Variants in GLI3 observed in about 807,000 individuals in gnomAD.
GLI3 encodes the protein GLI family zinc finger 3, also known as transcription activator GLI3.
GLI3 carries 20 observed loss-of-function variants against 100.8 expected under a neutral mutation model. The observed-to-expected ratio is 0.20, with a 90% CI of 0.14 to 0.29. GLI3 has a LOEUF of 0.29. GLI3 is among the 10% of genes least tolerant of loss of function. GLI3 has a pLI of 1.00. For missense variants in GLI3, 2,040 were observed against 2,128.5 expected (o/e 0.96, Z 0.82); for synonymous variants, 938 against 860.5 (o/e 1.09, Z -1.58).
At chr7:42,035,524 A>C (rs1257839731) in intron 7 of GLI3, among the ~76,000 whole-genome samples, 4 of 152,384 alleles carry the variant, frequency 2.6e-5, no homozygotes, top group Non-Finnish European at 5.9e-5. Context: ...TGTCATTTTC[A>C]CTGAGATCTC....
chr7:42,212,478 C>T lies in GLI3; in HGVS notation c.124+10652G>A, dbSNP rs12055889. On this transcript the variant is annotated intron_variant, in intron 2 of 14. Coordinates refer to ENST00000395925, the MANE Select transcript of GLI3 (RefSeq NM_000168.6). ...TTAACCCAATTTATAAAGAAGACTC[C>T]ATTTCTTTGCAATATATTTAAAAGG... Among the ~76,000 whole-genome samples, 19 of 152,234 alleles carry T rather than the reference C, an allele frequency of 1.2e-4. No individual in the cohort carries two copies. In the East Asian group the frequency reaches 3.7e-3, roughly 29 times the overall value.
chr7:42,149,491 A>T (rs1786804255), intron 2 of GLI3, among the ~76,000 whole-genome samples: 1 of 152,206 alleles, frequency 6.6e-6, no homozygotes, highest in Non-Finnish European at 1.5e-5. Context: ...AACCCACAAC[A>T]AGTGGACCAA....
upstream of GLI3, among the ~76,000 whole-genome samples, chr7:42,240,215 C>A (rs13238696): frequency 6.6e-6 from 1 of 152,208 alleles, no homozygotes; most frequent in Non-Finnish European, 1.5e-5. Flanking sequence ...TGCCATCTCT[C>A]ATCAGTTCTC....
In GLI3 at chr7:41,965,461, G is replaced by A; in HGVS notation, c.3612C>T (p.Pro1204=). ...AGCCCCCAGCAGGCCCGCTCCTCAA[G>A]GGGTTCTGCGGGTGGACGACCATGC... ...CNGMVVHPQN[P]LRSGPAGGYQ... Residue 1204 remains proline (P), a synonymous_variant, in exon 15 of 15, where the codon CCC becomes CCT. Transcript: ENST00000395925. 1 of 1,608,732 alleles carries A rather than the reference G, an allele frequency of 6.2e-7. No individual in the cohort carries two copies. Among genetic ancestry groups the A allele is most frequent in the Non-Finnish European group, 8.5e-7 (1 of 1,177,366 alleles).
chr7:42,172,390 G>A (rs1349002422), intron 2 of GLI3: 2 of 611,736 alleles, frequency 3.3e-6, no homozygotes, highest in Non-Finnish European at 5.9e-6. Flanking sequence ...TGTGGTAGAG[G>A]AGAATTTGCA....
At chr7:42,112,118 A>G (rs1294064764) in intron 3 of GLI3, among the ~76,000 whole-genome samples, 4 of 152,218 alleles carry the variant, frequency 2.6e-5, no homozygotes, top group African/African-American at 7.2e-5. Flanking sequence ...ACTGCATGAC[A>G]GGAATTTCAT....
chr7:42,118,337 A>C (rs1785911293), intron 3 of GLI3: 1 of 398,504 alleles, frequency 2.5e-6, no homozygotes, highest in Admixed American at 4.4e-5. Context: ...GCAGATCTGA[A>C]AAGACAATAT....
Position 42,042,077 on chromosome 7 carries a change from G to A in GLI3, c.827-1838C>T, listed in dbSNP as rs111275388. Among the ~76,000 whole-genome samples, 545 of 146,960 alleles carry A rather than the reference G, an allele frequency of 3.7e-3. 7 individuals are homozygous for A. The highest frequency in any genetic ancestry group is 0.013 in the African/African-American group (495 of 39,472). On this transcript the variant is annotated intron_variant, in intron 6 of 14. Transcript: ENST00000395925. ...TTGCCAGGCTGGAGTGCAGTGGCAC[G>A]ATCTCGGCTCACTGCAACTCTGTCT...
At chr7:41,968,586 T>G (rs1787251345) in intron 13 of GLI3, among the ~76,000 whole-genome samples, 1 of 151,982 alleles carries the variant, frequency 6.6e-6, no homozygotes, top group Admixed American at 6.6e-5. Context: ...CACATTTTCT[T>G]GCTTTTGTAG....
chr7:42,223,926 C>T (rs1272446587), intron 1 of GLI3, among the ~76,000 whole-genome samples: 1 of 152,180 alleles, frequency 6.6e-6, no homozygotes, highest in Non-Finnish European at 1.5e-5. Flanking sequence ...TATTTCAGTT[C>T]ATTTAAGTTA....
In GLI3 at chr7:41,963,346, C is replaced by A. The variant is rs1168256717; in HGVS notation, c.*984G>T. On this transcript the variant is annotated 3_prime_UTR_variant, in exon 15 of 15. Transcript: ENST00000395925. ...TACTTAGAGCTATATATAATCAATT[C>A]TCAGTTAAAATGGGAAAGAGATGGA... 2 of 152,172 alleles carry A rather than the reference C, an allele frequency of 1.3e-5. No homozygotes were observed. Among genetic ancestry groups the A allele is most frequent in the Non-Finnish European group, 2.9e-5 (2 of 68,024 alleles). 9.4% of individuals were successfully genotyped at this position (152,172 alleles called of 1,614,324 possible).
chr7:42,036,379 A>G (rs544677296), intron 7 of GLI3, among the ~76,000 whole-genome samples: 24 of 152,336 alleles, frequency 1.6e-4, no homozygotes, highest in African/African-American at 5.8e-4. Flanking sequence ...TACTCAAGAA[A>G]TATTTACTGA....
At chr7:42,011,207 T>C (rs1440741832) in intron 10 of GLI3, among the ~76,000 whole-genome samples, 1 of 152,142 alleles carries the variant, frequency 6.6e-6, no homozygotes, top group Non-Finnish European at 1.5e-5. Flanking sequence ...CATAGAGCAC[T>C]CCACAGCCAG....
At chr7:42,006,874 T>C (rs1216105265) in intron 10 of GLI3, among the ~76,000 whole-genome samples, 1 of 152,200 alleles carries the variant, frequency 6.6e-6, no homozygotes. Context: ...GTTCTTTTTA[T>C]TCATTTCTTA....
rs779956431 is a variant in GLI3 at position 41,967,620 on chromosome 7, C to G, written c.2407G>C (p.Ala803Pro). 37 of 1,613,524 alleles carry G rather than the reference C, an allele frequency of 2.3e-5. No individual in the cohort carries two copies. In the Middle Eastern group the frequency reaches 5.1e-4, roughly 22 times the overall value. ...LNPILPPKAP[A>P]VSPLIGNGTQ... ...CCATTTCCTATGAGAGGAGAGACCG[C>G]AGGGGCTTTAGGGGGTAGAATGGGG... Residue 803 changes from alanine (A) to proline (P), a missense_variant, in exon 14 of 15, where the codon GCG becomes CCG. Transcript: ENST00000395925.
At chr7:41,983,845 G>A (rs1164147457) in intron 10 of GLI3, among the ~76,000 whole-genome samples, 1 of 152,142 alleles carries the variant, frequency 6.6e-6, no homozygotes, top group Admixed American at 6.6e-5. Flanking sequence ...TTTTCCAATT[G>A]GGGCTCCAAG....
intron 3 of GLI3, among the ~76,000 whole-genome samples, chr7:42,124,240 T>C (rs1331627934): frequency 6.6e-6 from 1 of 152,228 alleles, no homozygotes; most frequent in African/African-American, 2.4e-5. Context: ...CTGTAGAATG[T>C]CAGGTGGCCT....
intron 2 of GLI3, among the ~76,000 whole-genome samples, chr7:42,221,559 C>A (rs528959288): frequency 6.6e-6 from 1 of 152,080 alleles, no homozygotes; most frequent in Admixed American, 6.5e-5. Context: ...CTCACTCACA[C>A]CCTCACACAC....
At chr7:41,997,259 T>C (rs1788152543) in intron 10 of GLI3, among the ~76,000 whole-genome samples, 2 of 152,224 alleles carry the variant, frequency 1.3e-5, no homozygotes, top group Admixed American at 1.3e-4. Flanking sequence ...ACCTGACATT[T>C]TGAGAAGTCC....
Sources: gnomAD v4.1 joint callset for allele counts (sites outside exome capture counted in the v4.1 genomes callset) on GRCh38, gnomAD v4.1.1 for gene constraint, MANE v1.5 for transcripts, NCBI Gene and HGNC (gene_info 2026-07-23, HGNC 2026-07-21) for gene names.